The following TGM3 variants were observed in gnomAD, a reference collection of about 807,000 sequenced individuals.
The protein encoded by TGM3 is protein-glutamine gamma-glutamyltransferase E.
In TGM3, 52 loss-of-function variants were observed where a neutral mutation model predicts 73.8. The ratio of observed to expected loss-of-function variants is 0.70; its 90% CI spans 0.56 to 0.89. TGM3 has a LOEUF of 0.89. TGM3 is among the 40% of genes least tolerant of loss of function. The pLI is 0.00. For synonymous variants in TGM3, 372 were observed against 354.9 expected (o/e 1.05, Z -0.54); for missense variants, 928 against 909.9 (o/e 1.02, Z -0.26).
chr20:2,318,495 A>T (rs2084247127), intron 7 of TGM3, among the ~76,000 whole-genome samples: 1 of 152,222 alleles, frequency 6.6e-6, no homozygotes, highest in African/African-American at 2.4e-5. Context: ...TATAGATAAA[A>T]ATAGACATTG....
chr20:2,312,956 G>A lies in TGM3; in HGVS notation c.599G>A (p.Arg200His), dbSNP rs772149238. 4.3e-5 allele frequency: 69 copies of A among 1,614,008 alleles called. No individual in the cohort carries two copies. Among genetic ancestry groups the A allele is most frequent in the Middle Eastern group, 3.3e-4 (2 of 6,084 alleles). The change falls in exon 5 of 13, where the codon CGC becomes CAC. Residue 200 changes from arginine (R) to histidine (H), a missense_variant. Arg to His is a conservative substitution (Grantham distance 29). Coordinates refer to ENST00000381458, the MANE Select transcript of TGM3 (RefSeq NM_003245.4). ...LSILDRSLNF[R>H]RDAATDVASR... Reference sequence around the variant, plus strand: ...ATCTTGGATAGGAGTCTGAATTTCCGCCGTGACGCTGCTACTGATGTGGCC... The same window carrying A: ...ATCTTGGATAGGAGTCTGAATTTCCACCGTGACGCTGCTACTGATGTGGCC...
chr20:2,315,159 CCAG>C (rs2084226645), intron 5 of TGM3, among the ~76,000 whole-genome samples: 1 of 152,192 alleles, frequency 6.6e-6, no homozygotes, highest in South Asian at 2.1e-4. Context: ...GTGGGTGAGG[CCAG>C]CGGCTCCTGC....
chr20:2,317,130 C>G lies in TGM3; in HGVS notation c.732C>G (p.Gly244=). The G allele has an allele frequency of 6.2e-7, 1 of 1,614,000 alleles. No homozygotes were observed. Among genetic ancestry groups the G allele is most frequent in the Non-Finnish European group, 8.5e-7 (1 of 1,180,014 alleles). The change falls in exon 6 of 13, where the codon GGC becomes GGG. Residue 244 remains glycine, a synonymous_variant. Coordinates refer to ENST00000381458, the MANE Select transcript of TGM3 (RefSeq NM_003245.4). The stretch of plus-strand genomic sequence containing the variant: ...ATTGGAGCGGCACTTACACCGGTGG[C>G]CGGGACCCAAGGAGCTGGAACGGCA... ...AGNWSGTYTG[G]RDPRSWNGSV...
At position 2,310,353 on chromosome 20, in the gene TGM3, C is replaced by T. The variant is rs2122218985; in HGVS notation, c.357C>T (p.Ser119=). The T allele has an allele frequency of 1.9e-6, 3 of 1,614,228 alleles. No individual in the cohort carries two copies. Among genetic ancestry groups the T allele is most frequent in the East Asian group, 2.2e-5 (1 of 44,888 alleles). ...ACACAATGGCCCTCCAGATCTTCTC[C>T]CAGGGCGGCATCTCCTCTGTGAAAC... The part of the protein sequence containing the change: ...GRYTMALQIF[S]QGGISSVKLG... Residue 119 remains serine, a synonymous_variant, in exon 3 of 13, where the codon TCC becomes TCT. Transcript: ENST00000381458.
chr20:2,336,593 T>A (rs2084352759), intron 11 of TGM3, among the ~76,000 whole-genome samples: 1 of 149,430 alleles, frequency 6.7e-6, no homozygotes, highest in South Asian at 2.2e-4. Context: ...ATGCCGGGCC[T>A]GGTTCTCCCA....
chr20:2,340,023 C>CGGGG, intron 12 of TGM3, 36 bp downstream of exon 12: 1 of 120,860 alleles, frequency 8.3e-6, no homozygotes, highest in Non-Finnish European at 1.9e-5. Flanking sequence ...TGCAGGAGGG[C>CGGGG]GGGAGGGGGC....
At chr20:2,314,511 G>C (rs2084223121) in intron 5 of TGM3, among the ~76,000 whole-genome samples, 1 of 147,180 alleles carries the variant, frequency 6.8e-6, no homozygotes. Context: ...GGACAACATA[G>C]TGAGACCTCA....
Position 2,340,921 on chromosome 20 carries a change from C to G in TGM3, c.*340C>G, listed in dbSNP as rs1239198390. On this transcript the variant is annotated 3_prime_UTR_variant, in exon 13 of 13. Coordinates refer to ENST00000381458, the MANE Select transcript of TGM3 (RefSeq NM_003245.4). ...ACCCAGGGACTCTCCAAACGGGATACAGGAGAGAAGCTGGTCTAGACTGTT... is the reference window on the plus strand; with the variant it reads ...ACCCAGGGACTCTCCAAACGGGATAGAGGAGAGAAGCTGGTCTAGACTGTT... The G allele has an allele frequency of 2.0e-6, 1 of 489,386 alleles. No individual in the cohort carries two copies. Among genetic ancestry groups the G allele is most frequent in the African/African-American group, 1.9e-5 (1 of 51,436 alleles). 30.3% of individuals were successfully genotyped at this position (489,386 alleles called of 1,614,324 possible).
At chr20:2,337,170 G>C (rs775411893) in intron 11 of TGM3, among the ~76,000 whole-genome samples, 1 of 152,150 alleles carries the variant, frequency 6.6e-6, no homozygotes, top group Admixed American at 6.5e-5. Context: ...CCCCTTGCTC[G>C]GGGCATGACT....
intron 1 of TGM3, among the ~76,000 whole-genome samples, chr20:2,298,346 A>G (rs214768): frequency 0.74 from 112,454 of 152,026 alleles, 43,492 homozygotes; most frequent in East Asian, 0.93. Context: ...GTTTGTGAGC[A>G]CAGAGGAGGG....
chr20:2,307,356 C>T (rs560565868), intron 1 of TGM3, among the ~76,000 whole-genome samples: 1 of 152,064 alleles, frequency 6.6e-6, no homozygotes, highest in African/African-American at 2.4e-5. Flanking sequence ...CCCCAACCCC[C>T]ACTCTCTCCT....
chr20:2,340,549 A>G lies in TGM3; in HGVS notation c.2050A>G (p.Lys684Glu). Reference sequence around the variant, plus strand: ...CTCCTGCAACAAGTTCCCTGCAATCAAGGCCATGTTGTCCATCGATGTAGC... The same window carrying G: ...CTCCTGCAACAAGTTCCCTGCAATCGAGGCCATGTTGTCCATCGATGTAGC... ...DFSCNKFPAI[K>E]AMLSIDVAE Residue 684 changes from lysine to glutamate, a missense_variant, in exon 13 of 13, where the codon AAG becomes GAG. Coordinates refer to ENST00000381458, the MANE Select transcript of TGM3 (RefSeq NM_003245.4). The G allele has an allele frequency of 1.2e-6, 2 of 1,614,082 alleles. No homozygotes were observed. The highest frequency in any genetic ancestry group is 1.7e-6 in the Non-Finnish European group (2 of 1,180,016).
intron 1 of TGM3, among the ~76,000 whole-genome samples, chr20:2,304,679 G>A (rs1001284994): frequency 2.0e-5 from 3 of 152,058 alleles, no homozygotes; most frequent in East Asian, 1.9e-4. Context: ...CTTCTTAACC[G>A]CCAAATGTGT....
At chr20:2,335,815 T>C (rs1198551835) in intron 11 of TGM3, among the ~76,000 whole-genome samples, 1 of 152,172 alleles carries the variant, frequency 6.6e-6, no homozygotes, top group Non-Finnish European at 1.5e-5. Context: ...ACCCTGGAGT[T>C]ACAGAATTGT....
intron 1 of TGM3, 52 bp from the exon 2 acceptor site, chr20:2,309,605 C>T: frequency 6.3e-7 from 1 of 1,596,624 alleles, no homozygotes; most frequent in Middle Eastern, 2.2e-4. Flanking sequence ...CCTTCCCCCA[C>T]ACCACCATCC....
chr20:2,328,343 G>T lies in TGM3; in HGVS notation c.1311G>T (p.Thr437=). The change falls in exon 9 of 13, where the codon ACG becomes ACT. Residue 437 remains threonine (T), a synonymous_variant. Transcript: ENST00000381458. The surrounding 1 kb of genome is among the most constrained non-coding windows in gnomAD (Gnocchi z 5.2). The part of the protein sequence containing the change: ...AVGSNARMDV[T]DKYKYPEGSD... The stretch of plus-strand genomic sequence containing the variant: ...GCAGCAATGCTCGCATGGACGTCAC[G>T]GACAAGTACAAGTACCCAGAAGGTA... 1 of 1,614,122 alleles carries T rather than the reference G, an allele frequency of 6.2e-7. No homozygotes were observed. Among genetic ancestry groups the T allele is most frequent in the South Asian group, 1.1e-5 (1 of 91,070 alleles).
intron 7 of TGM3, among the ~76,000 whole-genome samples, chr20:2,321,752 G>A (rs746756765): frequency 6.6e-5 from 10 of 152,170 alleles, no homozygotes; most frequent in Admixed American, 1.3e-4. Flanking sequence ...GGGAGACAGC[G>A]TGGCACACAA....
rs1340113818 is a variant in TGM3, at chr20:2,334,338, G to A, written c.1643-778G>A. Among the ~76,000 whole-genome samples, 1 of 152,176 alleles carries A rather than the reference G, an allele frequency of 6.6e-6. No homozygotes were observed. Among genetic ancestry groups the A allele is most frequent in the South Asian group, 2.1e-4 (1 of 4,836 alleles). On this transcript the variant is annotated intron_variant, in intron 10 of 12. Coordinates refer to ENST00000381458, the MANE Select transcript of TGM3 (RefSeq NM_003245.4). The surrounding 1 kb of genome is among the most constrained non-coding windows in gnomAD (Gnocchi z 4.0). ...TTTATCTAAGGCAATGAGGAGCCACGGAAGATTTTTGAAGTCACATGTGAC... is the reference window on the plus strand; with the variant it reads ...TTTATCTAAGGCAATGAGGAGCCACAGAAGATTTTTGAAGTCACATGTGAC...
chr20:2,309,870 C>T, intron 2 of TGM3, 40 bp downstream of exon 2: 1 of 1,611,630 alleles, frequency 6.2e-7, no homozygotes. Context: ...CACACACATA[C>T]TTGAGTAGCC....
Sources: gnomAD v4.1 joint callset for allele counts (sites outside exome capture counted in the v4.1 genomes callset) on GRCh38, gnomAD v4.1.1 for gene constraint, Gnocchi (gnomAD v3.1) non-coding constraint, MANE v1.5 for transcripts, NCBI Gene and HGNC (gene_info 2026-07-23, HGNC 2026-07-21) for gene names.